The following DENND2B variants were observed in gnomAD, a reference collection of about 807,000 sequenced individuals.
The protein encoded by DENND2B is DENN domain containing 2B.
Under a neutral mutation model 116.0 loss-of-function variants are expected in DENND2B, and 32 were observed. That is an observed-to-expected ratio of 0.28 (90% CI 0.21 to 0.37). The LOEUF (loss-of-function observed/expected upper bound fraction) is 0.37. DENND2B is among the 10% of genes least tolerant of loss of function. DENND2B has a pLI of 1.00. For synonymous variants in DENND2B, 588 were observed against 583.9 expected (o/e 1.01, Z -0.10); for missense variants, 1,276 against 1,477.7 (o/e 0.86, Z 2.24).
At chr11:8,782,665 T>G (rs1421344829) in intron 1 of DENND2B, among the ~76,000 whole-genome samples, 1 of 152,046 alleles carries the variant, frequency 6.6e-6, no homozygotes, top group Non-Finnish European at 1.5e-5. Flanking sequence ...GGCAGGCAGA[T>G]CACGAGGTCA....
intron 9 of DENND2B, 45 bp from the exon 10 acceptor site, chr11:8,711,276 G>A (rs374438087): frequency 1.5e-5 from 23 of 1,579,468 alleles, no homozygotes; most frequent in Non-Finnish European, 1.8e-5. Context: ...ACCTGAGGGC[G>A]GGTGGTGGTG....
chr11:8,848,754 T>C (rs59025804), intron 3 of DENND2B, among the ~76,000 whole-genome samples: 41,359 of 152,108 alleles, frequency 0.27, 5,926 homozygotes, highest in East Asian at 0.54. Context: ...TTATTCATAA[T>C]AGCCAAGATA....
intron 2 of DENND2B, among the ~76,000 whole-genome samples, chr11:8,864,392 C>T (rs1270418466): frequency 2.0e-5 from 3 of 152,154 alleles, no homozygotes; most frequent in East Asian, 1.9e-4. Flanking sequence ...CTCAGCCCAC[C>T]GTTTAGCTGG....
At chr11:8,847,997 A>C (rs1340042263) in intron 3 of DENND2B, among the ~76,000 whole-genome samples, 1 of 152,206 alleles carries the variant, frequency 6.6e-6, no homozygotes, top group East Asian at 1.9e-4. Flanking sequence ...CTCTGAGTAC[A>C]AAAGATGTAC....
At chr11:8,777,862 A>T (rs1236575884) in intron 1 of DENND2B, among the ~76,000 whole-genome samples, 1 of 152,110 alleles carries the variant, frequency 6.6e-6, no homozygotes, top group Non-Finnish European at 1.5e-5. Flanking sequence ...ATCTACCTGA[A>T]CCTCAAGTCT....
chr11:8,738,782 A>T (rs1003540302), intron 2 of DENND2B, among the ~76,000 whole-genome samples: 3 of 152,106 alleles, frequency 2.0e-5, no homozygotes, highest in Middle Eastern at 3.2e-3. Flanking sequence ...GTTGATGAGG[A>T]CCCCATGAGC....
intron 3 of DENND2B, among the ~76,000 whole-genome samples, chr11:8,855,760 G>A (rs992433988): frequency 6.6e-6 from 1 of 152,110 alleles, no homozygotes; most frequent in African/African-American, 2.4e-5. Flanking sequence ...ATACAAAGGA[G>A]CTAATTTTCG....
chr11:8,777,523 A>C (rs2057874186), intron 1 of DENND2B, among the ~76,000 whole-genome samples: 1 of 152,206 alleles, frequency 6.6e-6, no homozygotes, highest in Non-Finnish European at 1.5e-5. Flanking sequence ...TAGGCCTGTC[A>C]CATATGGTCC....
rs115492695 is a variant in DENND2B, at chr11:8,721,872, G to A, written c.1478-3980C>T. Among the ~76,000 whole-genome samples, 1,382 of 152,350 alleles carry A rather than the reference G, an allele frequency of 9.1e-3. 21 individuals are homozygous for A. The highest frequency in any genetic ancestry group is 0.031 in the African/African-American group (1,292 of 41,578). ...CCCGGTCCCCGGCTTGCATCCCACT[G>A]AAGTTCCTGGAAACGCTCCCTCAGC... On this transcript the variant is annotated intron_variant, in intron 4 of 19. Transcript: ENST00000313726.
intron 4 of DENND2B, among the ~76,000 whole-genome samples, chr11:8,724,433 G>C (rs963622744): frequency 6.6e-6 from 1 of 152,176 alleles, no homozygotes; most frequent in African/African-American, 2.4e-5. Flanking sequence ...CAGGGACATA[G>C]AGAGGGAGCC....
Position 8,693,848 on chromosome 11 carries a change from C to T in DENND2B, c.*248G>A, listed in dbSNP as rs1397227541. The T allele has an allele frequency of 9.6e-6, 4 of 416,020 alleles. No individual in the cohort carries two copies. The highest frequency in any genetic ancestry group is 4.1e-5 in the African/African-American group (2 of 48,398). The allele number at this position is 416,020 out of a possible 1,614,324, so 25.8% of individuals were successfully genotyped here. A position where few individuals can be genotyped will look rare whatever the true frequency, so the allele number is the denominator to read the frequency against. On this transcript the variant is annotated 3_prime_UTR_variant, in exon 20 of 20. Transcript: ENST00000313726. ...TGCTCTGGCAGGACAGGAAAGCACC[C>T]GGCCCCTTGGGAATATACAAATATT...
chr11:8,748,014 G>A (rs796870838), intron 2 of DENND2B, among the ~76,000 whole-genome samples: 4 of 151,858 alleles, frequency 2.6e-5, no homozygotes, highest in African/African-American at 7.2e-5. Flanking sequence ...GCCCACCCCC[G>A]CCAGTTTTCC....
chr11:8,860,521 A>T (rs2063355265), intron 2 of DENND2B, among the ~76,000 whole-genome samples: 1 of 152,174 alleles, frequency 6.6e-6, no homozygotes, highest in Admixed American at 6.5e-5. Context: ...GAACTACAAA[A>T]CGCTGCTGAA....
intron 1 of DENND2B, among the ~76,000 whole-genome samples, chr11:8,758,237 C>G (rs2053944893): frequency 1.3e-5 from 2 of 152,198 alleles, no homozygotes. Flanking sequence ...ATCTGCCTAG[C>G]TATGTGCAAC....
At chr11:8,889,965 C>T (rs968465441) in intron 1 of DENND2B, among the ~76,000 whole-genome samples, 2 of 152,200 alleles carry the variant, frequency 1.3e-5, no homozygotes, top group East Asian at 1.9e-4. Context: ...CCCTGACCCC[C>T]GAGTAGCCTA....
intron 1 of DENND2B, among the ~76,000 whole-genome samples, chr11:8,882,017 C>T (rs758125931): frequency 3.3e-5 from 5 of 151,520 alleles, no homozygotes; most frequent in Non-Finnish European, 5.9e-5. Context: ...TTTCTTGGCT[C>T]TCTTCTACAC....
At chr11:8,909,296 C>A (rs765383908) in intron 1 of DENND2B, among the ~76,000 whole-genome samples, 11 of 152,008 alleles carry the variant, frequency 7.2e-5, no homozygotes, top group Non-Finnish European at 1.5e-4. Context: ...CCCAGGAGGT[C>A]GAGGCTGCAG....
At position 8,693,828 on chromosome 11, in the gene DENND2B, T is replaced by C; in HGVS notation, c.*268A>G. ...ACCCAGCGAAACTTCATCCATGCTC[T>C]GGCAGGACAGGAAAGCACCCGGCCC... On this transcript the variant is annotated 3_prime_UTR_variant, in exon 20 of 20. Coordinates refer to ENST00000313726, the MANE Select transcript of DENND2B (RefSeq NM_213618.2). The C allele has an allele frequency of 2.7e-6, 1 of 366,304 alleles. No individual in the cohort carries two copies. The highest frequency in any genetic ancestry group is 4.9e-6 in the Non-Finnish European group (1 of 202,312). The allele number at this position is 366,304 out of a possible 1,614,324, so 22.7% of individuals were successfully genotyped here.
Position 8,730,911 on chromosome 11 carries a change from C to G in DENND2B, c.379G>C (p.Gly127Arg), listed in dbSNP as rs2048025187. The G allele has an allele frequency of 6.2e-7, 1 of 1,614,076 alleles. No homozygotes were observed. The highest frequency in any genetic ancestry group is 1.3e-5 in the African/African-American group (1 of 74,958). ...GCAAGGGGGAGGCAGGCAGCGACCC[C>G]TGCTACATCCTGGGCTGCGCCTTGG... ...SVQGAAQDVA[G>R]VAACLPLAQS... Residue 127 changes from glycine to arginine, a missense_variant, in exon 3 of 20, where the codon GGG (glycine) becomes CGG (arginine). By Grantham distance (125) the Gly-to-Arg change is moderately radical. Transcript: ENST00000313726. The surrounding 1 kb of genome is among the most constrained non-coding windows in gnomAD (Gnocchi z 4.1).
Sources: gnomAD v4.1 joint callset for allele counts (sites outside exome capture counted in the v4.1 genomes callset) on GRCh38, gnomAD v4.1.1 for gene constraint, Gnocchi (gnomAD v3.1) non-coding constraint, MANE v1.5 for transcripts, NCBI Gene and HGNC (gene_info 2026-07-23, HGNC 2026-07-21) for gene names.